Variants in TTC7B observed in about 807,000 individuals in gnomAD.
TTC7B encodes tetratricopeptide repeat protein 7B.
In TTC7B, 28 loss-of-function variants were observed where a neutral mutation model predicts 106.8. The ratio of observed to expected loss-of-function variants is 0.26; its 90% CI spans 0.19 to 0.36. The LOEUF is 0.36. Ranked by LOEUF, TTC7B falls within the 10% of genes least tolerant of loss-of-function variation. The probability of loss-of-function intolerance (pLI) is 1.00; values close to 1 mark genes in which losing one functional copy is unlikely to be tolerated. For synonymous variants in TTC7B, 405 were observed against 430.6 expected, an observed-to-expected ratio of 0.94 and a Z score of 0.74; for missense variants, 862 against 1,076.4, an observed-to-expected ratio of 0.80 and a Z score of 2.79.
At chr14:90,544,947 G>T (rs1218797376) in intron 19 of TTC7B, among the ~76,000 whole-genome samples, 1 of 152,190 alleles carries the variant, frequency 6.6e-6, no homozygotes, top group African/African-American at 2.4e-5. Flanking sequence ...GTCCCACTAG[G>T]CTCTGCCACC....
intron 1 of TTC7B, among the ~76,000 whole-genome samples, chr14:90,806,221 C>A (rs2030596219): frequency 6.6e-6 from 1 of 152,224 alleles, no homozygotes; most frequent in Non-Finnish European, 1.5e-5. Context: ...ACATACAGCA[C>A]CCCCACATTC....
At chr14:90,728,058 G>A (rs1388623386) in intron 5 of TTC7B, among the ~76,000 whole-genome samples, 3 of 152,146 alleles carry the variant, frequency 2.0e-5, no homozygotes, top group South Asian at 2.1e-4. Flanking sequence ...ACCTCCCAAC[G>A]GTTTTTCTCC....
chr14:90,805,027 C>G lies in TTC7B; in HGVS notation c.121+11148G>C, dbSNP rs547666688. On this transcript the variant is annotated intron_variant, in intron 1 of 19. Coordinates refer to ENST00000328459, the MANE Select transcript of TTC7B (RefSeq NM_001010854.2). The surrounding 1 kb of genome is among the most constrained non-coding windows in gnomAD (Gnocchi z 4.0). Reference sequence around the variant, plus strand: ...CCCCGCCAGCAAGCCAGGACTCACCCGGAGCCCCAGGCAGGCAGGGCTACA... The same window carrying G: ...CCCCGCCAGCAAGCCAGGACTCACCGGGAGCCCCAGGCAGGCAGGGCTACA... Among the ~76,000 whole-genome samples the G allele has an allele frequency of 6.6e-6, 1 of 152,106 alleles. No individual in the cohort carries two copies. The highest frequency in any genetic ancestry group is 2.4e-5 in the African/African-American group (1 of 41,428).
At position 90,578,226 on chromosome 14, in the gene TTC7B, G is replaced by A. The variant is rs377715985; in HGVS notation, c.2190C>T (p.His730=). The A allele has an allele frequency of 2.5e-5, 40 of 1,614,256 alleles. No homozygotes were observed. The highest frequency in any genetic ancestry group is 1.2e-4 in the African/African-American group (9 of 75,074). Residue 730 remains histidine (H), a synonymous_variant, in exon 19 of 20, where the codon CAC becomes CAT. Coordinates refer to ENST00000328459, the MANE Select transcript of TTC7B (RefSeq NM_001010854.2). This position sits in a 1 kb window ranked among gnomAD's most constrained non-coding sequence, Gnocchi z 4.7. ...TCTGGCCGCGCATGTAGAGGACATTGTGGGACATTGGGAAGAGGTTGGCAG... is the reference window on the plus strand; with the variant it reads ...TCTGGCCGCGCATGTAGAGGACATTATGGGACATTGGGAAGAGGTTGGCAG... The part of the protein sequence containing the change: ...QEAANLFPMS[H]NVLYMRGQIA...
Position 90,570,227 on chromosome 14 carries a change from C to T in TTC7B, c.2310+7879G>A, listed in dbSNP as rs1890977715. ...GACATCCCACTGTGCTGGAGTGTTCCATTAATCAGCCTGACCAAGCCTCGT... is the reference window on the plus strand; with the variant it reads ...GACATCCCACTGTGCTGGAGTGTTCTATTAATCAGCCTGACCAAGCCTCGT... On this transcript the variant is annotated intron_variant, in intron 19 of 19. Transcript: ENST00000328459. This position sits in a 1 kb window ranked among gnomAD's most constrained non-coding sequence, Gnocchi z 4.0. Among the ~76,000 whole-genome samples, 1 of 148,528 alleles carries T rather than the reference C, an allele frequency of 6.7e-6. No individual in the cohort carries two copies. Among genetic ancestry groups the T allele is most frequent in the Admixed American group, 6.6e-5 (1 of 15,176 alleles).
At chr14:90,665,560 G>A (rs1177735277) in intron 9 of TTC7B, among the ~76,000 whole-genome samples, 1 of 152,224 alleles carries the variant, frequency 6.6e-6, no homozygotes, top group Non-Finnish European at 1.5e-5. Context: ...AGTACCACAA[G>A]CACAGCAAAG....
At chr14:90,567,978 T>G (rs868353537) in intron 19 of TTC7B, among the ~76,000 whole-genome samples, 1 of 152,218 alleles carries the variant, frequency 6.6e-6, no homozygotes, top group Non-Finnish European at 1.5e-5. Flanking sequence ...CACGTGGGGT[T>G]GACACGGCCC....
At chr14:90,662,611 G>A (rs1187691536) in intron 9 of TTC7B, among the ~76,000 whole-genome samples, 1 of 152,118 alleles carries the variant, frequency 6.6e-6, no homozygotes, top group African/African-American at 2.4e-5. Context: ...CAACAGATTG[G>A]GTGTGTGAAT....
chr14:90,612,837 C>CTT (rs1230773575), intron 16 of TTC7B, among the ~76,000 whole-genome samples: 1 of 152,190 alleles, frequency 6.6e-6, no homozygotes, highest in Non-Finnish European at 1.5e-5. Context: ...CTATAGCCAA[C>CTT]TTATCCCTAG....
Position 90,689,569 on chromosome 14 carries a change from A to C in TTC7B, c.921T>G (p.Thr307=). The change falls in exon 7 of 20, where the codon ACT becomes ACG. Residue 307 remains threonine (T), a synonymous_variant. Transcript: ENST00000328459. ...KGANTKTYTL[T]RRARVYSGEN... The stretch of plus-strand genomic sequence containing the variant: ...CTCCTGAGTAGACACGGGCTCTCCG[A>C]GTGAGAGTGTAGGTTTTTGTGTTTG... The C allele has an allele frequency of 1.2e-5, 19 of 1,614,068 alleles. No homozygotes were observed. The highest frequency in any genetic ancestry group is 1.4e-5 in the Non-Finnish European group (16 of 1,179,976).
At chr14:90,668,832 T>TC (rs1886519019) in intron 9 of TTC7B, among the ~76,000 whole-genome samples, 1 of 82,640 alleles carries the variant, frequency 1.2e-5, no homozygotes, top group Admixed American at 1.1e-4. Context: ...TTCAACTTTT[T>TC]TTTTTTTTTT....
rs575949309 is a variant in TTC7B, at chr14:90,558,498, C to T, written c.2311-16909G>A. Among the ~76,000 whole-genome samples the T allele has an allele frequency of 3.3e-5, 5 of 152,378 alleles. No individual in the cohort carries two copies. In the South Asian group the frequency reaches 8.3e-4, roughly 25 times the overall value. ...AGTTCACTACCTGCCACGGCGAGTCCGGTCATTTTGGTGAGTGGCTTCCCC... is the reference window on the plus strand; with the variant it reads ...AGTTCACTACCTGCCACGGCGAGTCTGGTCATTTTGGTGAGTGGCTTCCCC... On this transcript the variant is annotated intron_variant, in intron 19 of 19. Transcript: ENST00000328459.
At chr14:90,798,401 A>G (rs72695568) in intron 1 of TTC7B, among the ~76,000 whole-genome samples, 6,295 of 152,312 alleles carry the variant, frequency 0.041, 186 homozygotes, top group Non-Finnish European at 0.058. Flanking sequence ...AGCTGAAAAA[A>G]GCAAGACACA....
intron 5 of TTC7B, among the ~76,000 whole-genome samples, chr14:90,728,238 C>T (rs1019773790): frequency 1.3e-4 from 19 of 148,476 alleles, no homozygotes; most frequent in African/African-American, 4.7e-4. Context: ...TGGCTCATGC[C>T]GGTAATCCTA....
intron 5 of TTC7B, among the ~76,000 whole-genome samples, chr14:90,705,608 C>T (rs1566846560): frequency 5.3e-5 from 8 of 152,122 alleles, no homozygotes; most frequent in South Asian, 2.1e-4. Context: ...AATTGTATGG[C>T]GTAAGGGACT....
chr14:90,642,836 C>T (rs1005647198), intron 15 of TTC7B: 8 of 151,808 alleles, frequency 5.3e-5, no homozygotes, highest in African/African-American at 1.9e-4. Flanking sequence ...AAAACTAAGA[C>T]ACAGAGAGGG....
At position 90,608,560 on chromosome 14, in the gene TTC7B, G is replaced by A. The variant is rs1892746040; in HGVS notation, c.1966+2182C>T. Among the ~76,000 whole-genome samples, 1 of 152,130 alleles carries A rather than the reference G, an allele frequency of 6.6e-6. No individual in the cohort carries two copies. The highest frequency in any genetic ancestry group is 1.9e-4 in the East Asian group (1 of 5,196). On this transcript the variant is annotated intron_variant, in intron 17 of 19. Coordinates refer to ENST00000328459, the MANE Select transcript of TTC7B (RefSeq NM_001010854.2). This position sits in a 1 kb window ranked among gnomAD's most constrained non-coding sequence, Gnocchi z 5.1. ...CCTAGGCTCTCTGGAAGTGAATGGT[G>A]GCCCACCCGAGAGACTGGCTGCATC...
At chr14:90,579,651 T>C (rs924909862) in intron 18 of TTC7B, among the ~76,000 whole-genome samples, 3 of 152,048 alleles carry the variant, frequency 2.0e-5, no homozygotes, top group East Asian at 1.9e-4. Context: ...TACAAAAAAT[T>C]AGCCGGGCGT....
intron 5 of TTC7B, among the ~76,000 whole-genome samples, chr14:90,714,888 C>T (rs1452415902): frequency 6.6e-6 from 1 of 152,142 alleles, no homozygotes; most frequent in African/African-American, 2.4e-5. Context: ...CTCCCCCTCC[C>T]CAATTTTCAT....
Sources: gnomAD v4.1 joint callset for allele counts (sites outside exome capture counted in the v4.1 genomes callset) on GRCh38, gnomAD v4.1.1 for gene constraint, Gnocchi (gnomAD v3.1) non-coding constraint, MANE v1.5 for transcripts, NCBI Gene and HGNC (gene_info 2026-07-23, HGNC 2026-07-21) for gene names.